POT1: variants seen among roughly 807,000 people sequenced by gnomAD.
The protein encoded by POT1 is protection of telomeres 1.
Under a neutral mutation model 78.5 loss-of-function variants are expected in POT1, and 47 were observed. The observed-to-expected ratio is 0.60, with a 90% confidence interval of 0.47 to 0.76. POT1 has a LOEUF of 0.76. POT1 is among the 30% of genes least tolerant of loss of function. The pLI is 0.00. For missense variants in POT1, 646 were observed against 749.9 expected, an observed-to-expected ratio of 0.86 and a Z score of 1.62; for synonymous variants, 259 against 260.7, an observed-to-expected ratio of 0.99 and a Z score of 0.06.
intron 6 of POT1, among the ~76,000 whole-genome samples, chr7:124,891,214 T>C (rs1796363268): frequency 6.6e-6 from 1 of 151,792 alleles, no homozygotes; most frequent in Admixed American, 6.6e-5. Context: ...GCAGCATACA[T>C]AATTGTTATA....
At chr7:124,911,562 C>T (rs758720048) in intron 3 of POT1, among the ~76,000 whole-genome samples, 2 of 152,122 alleles carry the variant, frequency 1.3e-5, no homozygotes, top group Non-Finnish European at 2.9e-5. Context: ...ATGGCAAATG[C>T]ATTACTTCCC....
intron 6 of POT1, among the ~76,000 whole-genome samples, chr7:124,880,827 C>T (rs777841610): frequency 6.6e-6 from 1 of 151,946 alleles, no homozygotes; most frequent in African/African-American, 2.4e-5. Context: ...TACAGAGGAA[C>T]GTGACTGAGT....
At chr7:124,851,001 C>G (rs1370297077) in intron 11 of POT1, among the ~76,000 whole-genome samples, 1 of 151,304 alleles carries the variant, frequency 6.6e-6, no homozygotes, top group Non-Finnish European at 1.5e-5. Context: ...TGTGGTGGCT[C>G]AAGCCTGTAA....
intron 6 of POT1, among the ~76,000 whole-genome samples, chr7:124,884,683 C>T (rs1796202110): frequency 6.6e-6 from 1 of 152,104 alleles, no homozygotes; most frequent in African/African-American, 2.4e-5. Flanking sequence ...TATTTTGCCT[C>T]TCCCTTCCTC....
rs929501853 is a variant in POT1 at position 124,822,520 on chromosome 7, T to C, written c.*1442A>G. 4.4e-6 allele frequency: 2 copies of C among 455,364 alleles called. No individual in the cohort carries two copies. Among genetic ancestry groups the C allele is most frequent in the East Asian group, 7.0e-5 (1 of 14,384 alleles). The allele number at this position is 455,364 out of a possible 1,614,324, so 28.2% of individuals were successfully genotyped here. ...CTCACAGTGTGAACATATGGCACCT[T>C]TGGACCTCTACTCTTCTAGATTGAG... On this transcript the variant is annotated 3_prime_UTR_variant, in exon 19 of 19. Coordinates refer to ENST00000357628, the MANE Select transcript of POT1 (RefSeq NM_015450.3).
At chr7:124,844,310 G>A (rs1795106838) in intron 12 of POT1, among the ~76,000 whole-genome samples, 1 of 151,214 alleles carries the variant, frequency 6.6e-6, no homozygotes, top group African/African-American at 2.4e-5. Context: ...TGTACTTCTA[G>A]TAGAAACGGG....
intron 8 of POT1, among the ~76,000 whole-genome samples, chr7:124,860,145 A>G (rs1217366995): frequency 6.6e-6 from 1 of 152,050 alleles, no homozygotes; most frequent in African/African-American, 2.4e-5. Flanking sequence ...CTGTCCGGAA[A>G]AAAAAAATCA....
At chr7:124,855,950 T>A (rs78572199) in intron 9 of POT1, among the ~76,000 whole-genome samples, 7 of 152,092 alleles carry the variant, frequency 4.6e-5, no homozygotes, top group Non-Finnish European at 1.0e-4. Flanking sequence ...GACAAAAGAT[T>A]TGAAATCTCA....
chr7:124,831,446 A>C (rs1376902945), intron 15 of POT1, among the ~76,000 whole-genome samples: 1 of 152,186 alleles, frequency 6.6e-6, no homozygotes, highest in Non-Finnish European at 1.5e-5. Context: ...AAAGTTTAGG[A>C]AACAACACTG....
intron 14 of POT1, chr7:124,840,630 G>A (rs1397428500): frequency 6.3e-6 from 1 of 159,768 alleles, no homozygotes; most frequent in Non-Finnish European, 1.4e-5. Flanking sequence ...GTGACATCCA[G>A]AGGCCAAGAA....
intron 15 of POT1, among the ~76,000 whole-genome samples, chr7:124,831,728 C>T (rs923700592): frequency 2.0e-5 from 3 of 151,852 alleles, no homozygotes; most frequent in Non-Finnish European, 2.9e-5. Flanking sequence ...AATCTACATG[C>T]GTCAATAGTG....
At chr7:124,871,859 TCA>T (rs1387873441) in intron 6 of POT1, among the ~76,000 whole-genome samples, 3 of 151,976 alleles carry the variant, frequency 2.0e-5, no homozygotes, top group African/African-American at 4.8e-5. Flanking sequence ...ACACATTACC[TCA>T]CAGTTATTTT....
intron 5 of POT1, among the ~76,000 whole-genome samples, chr7:124,896,456 A>T (rs1409945366): frequency 1.3e-5 from 2 of 151,840 alleles, no homozygotes; most frequent in Non-Finnish European, 3.0e-5. Context: ...AATATTAATT[A>T]TACTAATACT....
At chr7:124,916,787 C>T (rs1380862881) in intron 2 of POT1, among the ~76,000 whole-genome samples, 2 of 152,042 alleles carry the variant, frequency 1.3e-5, no homozygotes, top group Non-Finnish European at 2.9e-5. Context: ...ACATGGAGCC[C>T]CCAAGCTGCA....
intron 2 of POT1, among the ~76,000 whole-genome samples, chr7:124,920,879 G>T (rs548280194): frequency 1.3e-5 from 2 of 152,154 alleles, no homozygotes; most frequent in East Asian, 3.9e-4. Flanking sequence ...ATTGCTTGAG[G>T]CTGGGAGTTT....
chr7:124,837,143 G>T, intron 14 of POT1: 1 of 251,348 alleles, frequency 4.0e-6, no homozygotes, highest in South Asian at 4.1e-5. Context: ...TTAACCTTGA[G>T]TACTTCACCA....
At chr7:124,830,184 T>G (rs1461755763) in intron 15 of POT1, among the ~76,000 whole-genome samples, 1 of 152,208 alleles carries the variant, frequency 6.6e-6, no homozygotes, top group African/African-American at 2.4e-5. Flanking sequence ...AATCTAAGAC[T>G]ACACAATACA....
chr7:124,867,490 T>C (rs1299114020), intron 7 of POT1, among the ~76,000 whole-genome samples: 2 of 152,154 alleles, frequency 1.3e-5, no homozygotes, highest in Non-Finnish European at 2.9e-5. Flanking sequence ...TGCTCATTCC[T>C]ATCACAGGGC....
At chr7:124,848,042 G>C (rs530103981) in intron 11 of POT1, among the ~76,000 whole-genome samples, 5 of 152,086 alleles carry the variant, frequency 3.3e-5, no homozygotes, top group Non-Finnish European at 7.4e-5. Context: ...CATTAAAAAG[G>C]AAACAAACTA....
Sources: allele counts gnomAD v4.1 joint callset (sites outside exome capture counted in the v4.1 genomes callset), GRCh38; gene constraint gnomAD v4.1.1; transcripts MANE v1.5; gene names NCBI Gene and HGNC (gene_info 2026-07-23, HGNC 2026-07-21).